The following DLG2 variants were observed in gnomAD, a reference collection of about 807,000 sequenced individuals.
The protein encoded by DLG2 is disks large homolog 2.
A neutral mutation model predicts 132.5 loss-of-function variants in DLG2; 45 were observed. The ratio of observed to expected loss-of-function variants is 0.34; its 90% CI spans 0.27 to 0.44. The LOEUF (loss-of-function observed/expected upper bound fraction) is 0.44, where lower values mean the gene tolerates loss of function less well. Ranked by LOEUF, DLG2 falls within the 20% of genes least tolerant of loss-of-function variation. The pLI is 1.00. For missense variants in DLG2, 1,045 were observed against 1,196.9 expected, an observed-to-expected ratio of 0.87 and a Z score of 1.87; for synonymous variants, 424 against 419.6, an observed-to-expected ratio of 1.01 and a Z score of -0.13.
intron 6 of DLG2, among the ~76,000 whole-genome samples, chr11:85,026,732 G>A (rs1405833901): frequency 2.0e-5 from 3 of 152,032 alleles, no homozygotes; most frequent in African/African-American, 7.2e-5. Context: ...AGCTACTCAG[G>A]AGGCTGAGGC....
At chr11:83,809,023 C>G (rs1594757000) in intron 17 of DLG2, among the ~76,000 whole-genome samples, 1 of 152,092 alleles carries the variant, frequency 6.6e-6, no homozygotes, top group East Asian at 1.9e-4. Context: ...CTTACCACCT[C>G]CCTCTGAGTG....
intron 7 of DLG2, among the ~76,000 whole-genome samples, chr11:84,472,247 T>A (rs1468854006): frequency 1.3e-5 from 2 of 151,980 alleles, no homozygotes; most frequent in Non-Finnish European, 2.9e-5. Context: ...ATACATATAA[T>A]ATGTATTGTG....
chr11:85,617,399 T>C (rs1056835519), intron 2 of DLG2, among the ~76,000 whole-genome samples: 5 of 152,244 alleles, frequency 3.3e-5, no homozygotes, highest in Admixed American at 6.5e-5. Flanking sequence ...CCTAGTGGGA[T>C]TGAGTGTTCC....
chr11:85,586,884 G>A (rs1428689989), intron 3 of DLG2, among the ~76,000 whole-genome samples: 1 of 152,126 alleles, frequency 6.6e-6, no homozygotes, highest in Non-Finnish European at 1.5e-5. Flanking sequence ...CAGAGGTTTT[G>A]ACAAGCTGTG....
At chr11:85,409,692 G>A (rs1414597332) in intron 3 of DLG2, among the ~76,000 whole-genome samples, 1 of 151,726 alleles carries the variant, frequency 6.6e-6, no homozygotes. Context: ...ATATCTGGGG[G>A]GGTGGAGAAA....
chr11:84,934,417 A>AT (rs1402428785), intron 6 of DLG2, among the ~76,000 whole-genome samples: 1 of 148,624 alleles, frequency 6.7e-6, no homozygotes, highest in African/African-American at 2.5e-5. Context: ...TCCTGTCTCA[A>AT]TTTTTTGGAG....
At chr11:84,672,746 C>T (rs1306129332) in intron 6 of DLG2, among the ~76,000 whole-genome samples, 2 of 152,100 alleles carry the variant, frequency 1.3e-5, no homozygotes, top group Non-Finnish European at 1.5e-5. Flanking sequence ...TAGCAGCTCT[C>T]TTGGGCCATG....
At chr11:85,060,992 A>G (rs1439389378) in intron 6 of DLG2, among the ~76,000 whole-genome samples, 11 of 151,538 alleles carry the variant, frequency 7.3e-5, no homozygotes, top group Admixed American at 7.3e-4. Flanking sequence ...ATGGTTAGTG[A>G]TGTTGAGCAT....
intron 5 of DLG2, among the ~76,000 whole-genome samples, chr11:85,144,236 G>A (rs1298749739): frequency 6.6e-6 from 1 of 151,486 alleles, no homozygotes; most frequent in Non-Finnish European, 1.5e-5. Context: ...TCTGATATAG[G>A]TATAGCTAAT....
intron 3 of DLG2, among the ~76,000 whole-genome samples, chr11:85,382,545 T>C (rs1193274774): frequency 6.6e-6 from 1 of 152,028 alleles, no homozygotes; most frequent in East Asian, 1.9e-4. Context: ...AAACTATGAA[T>C]AAAATCAAAA....
At chr11:84,430,340 G>A (rs1439702076) in intron 7 of DLG2, among the ~76,000 whole-genome samples, 3 of 151,656 alleles carry the variant, frequency 2.0e-5, no homozygotes, top group African/African-American at 7.3e-5. Flanking sequence ...TCAGGAGGCT[G>A]AGGCAGTAGA....
At chr11:83,868,148 G>A (rs148449509) in intron 16 of DLG2, among the ~76,000 whole-genome samples, 2,127 of 152,194 alleles carry the variant, frequency 0.014, 39 homozygotes, top group South Asian at 0.099. Context: ...GAATCCCCTC[G>A]TTTTTAAACT....
chr11:84,640,944 C>A (rs11234104), intron 6 of DLG2, among the ~76,000 whole-genome samples: 54,182 of 122,702 alleles, frequency 0.44, 10,861 homozygotes, highest in South Asian at 0.59. Flanking sequence ...TGTCTCAAAA[C>A]AAACAAACAA....
At chr11:84,411,480 T>C (rs1000494940) in intron 7 of DLG2, among the ~76,000 whole-genome samples, 2 of 152,088 alleles carry the variant, frequency 1.3e-5, no homozygotes, top group African/African-American at 4.8e-5. Context: ...ATCTTAGTTG[T>C]ACACTGATTT....
chr11:83,921,466 A>T (rs2077887196), intron 15 of DLG2, among the ~76,000 whole-genome samples: 1 of 152,212 alleles, frequency 6.6e-6, no homozygotes, highest in Non-Finnish European at 1.5e-5. Context: ...GATCATAGCT[A>T]CCGCATAAGT....
intron 3 of DLG2, among the ~76,000 whole-genome samples, chr11:85,465,147 A>G (rs995704717): frequency 1.1e-5 from 1 of 89,834 alleles, no homozygotes; most frequent in African/African-American, 3.8e-5. Flanking sequence ...ACAATATAAG[A>G]TTTTTTTTTT....
At chr11:84,365,988 A>T (rs1749787627) in intron 7 of DLG2, among the ~76,000 whole-genome samples, 1 of 152,102 alleles carries the variant, frequency 6.6e-6, no homozygotes. Context: ...CCTCGAGAAG[A>T]GCAACTCCAA....
intron 6 of DLG2, among the ~76,000 whole-genome samples, chr11:85,025,529 T>C (rs2060441523): frequency 6.6e-6 from 1 of 152,212 alleles, no homozygotes; most frequent in Non-Finnish European, 1.5e-5. Flanking sequence ...ACACAAAAGA[T>C]GTCAGCATAT....
chr11:83,859,996 G>A (rs897349613), intron 16 of DLG2, among the ~76,000 whole-genome samples: 9 of 152,180 alleles, frequency 5.9e-5, no homozygotes, highest in Non-Finnish European at 1.3e-4. Flanking sequence ...TTGAGCCTGT[G>A]ATGGCACAGA....
Sources: allele counts gnomAD v4.1 joint callset (sites outside exome capture counted in the v4.1 genomes callset), GRCh38; gene constraint gnomAD v4.1.1; transcripts MANE v1.5; gene names NCBI Gene and HGNC (gene_info 2026-07-23, HGNC 2026-07-21).